Variants in LRP1B observed in about 807,000 individuals in gnomAD.
LRP1B encodes the protein LDL receptor related protein 1B.
A neutral mutation model predicts 556.6 loss-of-function variants in LRP1B; 217 were observed. That is an observed-to-expected ratio of 0.39 (90% CI 0.35 to 0.44). LRP1B has a LOEUF of 0.44. Ranked by LOEUF, LRP1B falls within the 20% of genes least tolerant of loss-of-function variation. LRP1B has a pLI of 1.00. For missense variants in LRP1B, 5,053 were observed against 5,620.8 expected (o/e 0.90, Z 3.23); for synonymous variants, 2,047 against 1,865.8 (o/e 1.10, Z -2.50).
intron 24 of LRP1B, among the ~76,000 whole-genome samples, chr2:140,884,319 T>C (rs959839872): frequency 6.6e-6 from 1 of 152,154 alleles, no homozygotes; most frequent in Admixed American, 6.6e-5. Flanking sequence ...AAGTTATTTC[T>C]TGTTCCTGAC....
At chr2:141,179,152 G>A (rs1389449632) in intron 7 of LRP1B, among the ~76,000 whole-genome samples, 1 of 151,852 alleles carries the variant, frequency 6.6e-6, no homozygotes, top group Admixed American at 6.6e-5. Context: ...GAAAATTTTT[G>A]TTTTTGCAGA....
intron 1 of LRP1B, among the ~76,000 whole-genome samples, chr2:141,918,337 G>A (rs919196772): frequency 1.3e-5 from 2 of 151,876 alleles, no homozygotes; most frequent in African/African-American, 2.4e-5. Context: ...TACTGTGCAC[G>A]GTTGTATAGC....
chr2:141,652,509 C>T lies in LRP1B; in HGVS notation c.205+157770G>A, dbSNP rs190309130. On this transcript the variant is annotated intron_variant, in intron 2 of 90. Coordinates refer to ENST00000389484, the MANE Select transcript of LRP1B (RefSeq NM_018557.3). ...CTTTTTAGCAACATTGACAGGCTTT[C>T]TTGAGTCTCAGTCAGACTGATGGGT... 1.3e-3 allele frequency among the ~76,000 whole-genome samples: 192 copies of T among 152,190 alleles called. 1 individual carries two copies. Among genetic ancestry groups the T allele is most frequent in the African/African-American group, 4.4e-3 (184 of 41,538 alleles).
intron 20 of LRP1B, among the ~76,000 whole-genome samples, chr2:140,925,742 A>C (rs1694865208): frequency 6.6e-6 from 1 of 152,288 alleles, no homozygotes; most frequent in East Asian, 1.9e-4. Flanking sequence ...ATTTCCAATA[A>C]AAACCTAGAT....
Position 140,908,123 on chromosome 2 carries a change from C to A in LRP1B, c.3320-46G>T. 3 of 1,493,976 alleles carry A rather than the reference C, an allele frequency of 2.0e-6. No individual in the cohort carries two copies. In the South Asian group the frequency reaches 3.4e-5, roughly 17 times the overall value. The allele number at this position is 1,493,976 out of a possible 1,614,324, so 92.5% of individuals were successfully genotyped here. On this transcript the variant is annotated intron_variant, in intron 21 of 90. Coordinates refer to ENST00000389484, the MANE Select transcript of LRP1B (RefSeq NM_018557.3). The stretch of plus-strand genomic sequence containing the variant: ...GTCAGTTTGATTTTTGTGATTAGGT[C>A]ATTATGATAATGAGTGGCCATTATT...
At chr2:141,394,469 A>G (rs1289076009) in intron 3 of LRP1B, among the ~76,000 whole-genome samples, 1 of 152,084 alleles carries the variant, frequency 6.6e-6, no homozygotes, top group East Asian at 1.9e-4. Flanking sequence ...CTGTTGAAAT[A>G]TGTTAAAAAA....
chr2:142,100,006 A>G (rs1215054499), intron 1 of LRP1B, among the ~76,000 whole-genome samples: 1 of 151,972 alleles, frequency 6.6e-6, no homozygotes, highest in African/African-American at 2.4e-5. Flanking sequence ...TTTCATCTTT[A>G]TATCAAAGAA....
chr2:142,129,379 G>A (rs1487609006), intron 1 of LRP1B, among the ~76,000 whole-genome samples: 2 of 152,208 alleles, frequency 1.3e-5, no homozygotes, highest in African/African-American at 2.4e-5. Context: ...GAAATAACAC[G>A]TGTAGGTATG....
intron 3 of LRP1B, among the ~76,000 whole-genome samples, chr2:141,273,545 T>C (rs1484995397): frequency 6.6e-6 from 1 of 152,154 alleles, no homozygotes; most frequent in Non-Finnish European, 1.5e-5. Context: ...AAAATAAAGT[T>C]GGAAACTTCC....
At chr2:141,153,148 A>G (rs1326367254) in intron 7 of LRP1B, among the ~76,000 whole-genome samples, 4 of 146,014 alleles carry the variant, frequency 2.7e-5, no homozygotes, top group African/African-American at 1.0e-4. Flanking sequence ...TTTAACTTAT[A>G]CTACCAAACA....
chr2:141,270,780 G>A (rs1685060316), intron 3 of LRP1B, among the ~76,000 whole-genome samples: 1 of 151,822 alleles, frequency 6.6e-6, no homozygotes, highest in Non-Finnish European at 1.5e-5. Context: ...CAGAGGGTAG[G>A]GGAAACAAGA....
chr2:141,143,972 T>C (rs1378112689), intron 7 of LRP1B, among the ~76,000 whole-genome samples: 1 of 152,112 alleles, frequency 6.6e-6, no homozygotes, highest in East Asian at 1.9e-4. Context: ...TACACTGACT[T>C]AATGCCATGA....
intron 84 of LRP1B, among the ~76,000 whole-genome samples, chr2:140,293,695 C>A (rs944559204): frequency 6.6e-6 from 1 of 152,048 alleles, no homozygotes; most frequent in Non-Finnish European, 1.5e-5. Flanking sequence ...CTAATAGATT[C>A]TAAATTTATT....
At chr2:140,300,545 T>C (rs1399989326) in intron 83 of LRP1B, among the ~76,000 whole-genome samples, 1 of 152,150 alleles carries the variant, frequency 6.6e-6, no homozygotes, top group Non-Finnish European at 1.5e-5. Flanking sequence ...GGTAGCACAA[T>C]ATGAAAGAAC....
At position 141,247,368 on chromosome 2, in the gene LRP1B, T is replaced by C; in HGVS notation, c.464-14A>G. The C allele has an allele frequency of 1.2e-6, 2 of 1,612,716 alleles. No individual in the cohort carries two copies. Among genetic ancestry groups the C allele is most frequent in the Non-Finnish European group, 1.7e-6 (2 of 1,179,260 alleles). ...ATTCATCTTGATCTAAAAAGGAAAA[T>C]TGGCATCATTTCTAAGCAGCTTTAT... On this transcript the variant is annotated splice_polypyrimidine_tract_variant and intron_variant, in intron 4 of 90. Coordinates refer to ENST00000389484, the MANE Select transcript of LRP1B (RefSeq NM_018557.3).
chr2:141,991,669 A>C (rs1482004342), intron 1 of LRP1B, among the ~76,000 whole-genome samples: 2 of 152,112 alleles, frequency 1.3e-5, no homozygotes, highest in Non-Finnish European at 2.9e-5. Context: ...TAGAGGAAAC[A>C]GACTTAGTTT....
At chr2:141,634,617 C>T (rs150011902) in intron 2 of LRP1B, among the ~76,000 whole-genome samples, 195 of 151,990 alleles carry the variant, frequency 1.3e-3, no homozygotes, top group African/African-American at 4.3e-3. Context: ...CTTTATCTCA[C>T]ATTTATTATA....
At chr2:141,264,577 C>G (rs1359525642) in intron 3 of LRP1B, among the ~76,000 whole-genome samples, 1 of 152,116 alleles carries the variant, frequency 6.6e-6, no homozygotes, top group Non-Finnish European at 1.5e-5. Flanking sequence ...GCCTCAGCCT[C>G]CTGAGTTTCT....
intron 35 of LRP1B, among the ~76,000 whole-genome samples, chr2:140,727,861 A>G (rs1687648792): frequency 2.6e-5 from 4 of 152,244 alleles, no homozygotes; most frequent in African/African-American, 9.6e-5. Flanking sequence ...ATTCAATAAT[A>G]AAGTGCTAAC....
Sources: gnomAD v4.1 joint callset for allele counts (sites outside exome capture counted in the v4.1 genomes callset) on GRCh38, gnomAD v4.1.1 for gene constraint, MANE v1.5 for transcripts, NCBI Gene and HGNC (gene_info 2026-07-23, HGNC 2026-07-21) for gene names.